SPICE1: variants seen among roughly 807,000 people sequenced by gnomAD.
The protein encoded by SPICE1 is spindle and centriole-associated protein 1.
SPICE1 carries 75 observed loss-of-function variants against 102.7 expected under a neutral mutation model. The observed-to-expected ratio is 0.73, with a 90% CI of 0.61 to 0.88. The LOEUF (loss-of-function observed/expected upper bound fraction) is 0.88, where lower values mean the gene tolerates loss of function less well. Among genes scored for constraint, SPICE1 ranks in the 40% least tolerant of loss-of-function variants. The pLI, the probability that SPICE1 is intolerant of heterozygous loss-of-function variation, is 0.00. For synonymous variants in SPICE1, 308 were observed against 350.3 expected (o/e 0.88, Z 1.35); for missense variants, 979 against 1,020.1 (o/e 0.96, Z 0.55).
chr3:113,484,736 G>A (rs1052949702), intron 7 of SPICE1, among the ~76,000 whole-genome samples: 22 of 151,500 alleles, frequency 1.5e-4, no homozygotes, highest in African/African-American at 4.6e-4. Context: ...CACTGTGGTC[G>A]GAGAGACTGT....
intron 11 of SPICE1, among the ~76,000 whole-genome samples, chr3:113,461,719 G>A (rs116012433): frequency 1.1e-3 from 169 of 152,214 alleles, no homozygotes; most frequent in Non-Finnish European, 1.9e-3. Context: ...ACCCAAAGAT[G>A]GCAGCTAGTA....
intron 10 of SPICE1, among the ~76,000 whole-genome samples, chr3:113,467,122 T>A (rs1246475652): frequency 2.0e-5 from 3 of 152,180 alleles, no homozygotes; most frequent in East Asian, 1.9e-4. Context: ...AGGTGGTAAA[T>A]CTATCTTATT....
Position 113,457,219 on chromosome 3 carries a change from A to G in SPICE1, c.1574T>C (p.Phe525Ser), listed in dbSNP as rs1935798548. The change falls in exon 13 of 18, where the codon TTT becomes TCT. Residue 525 changes from phenylalanine to serine, a missense_variant. Coordinates refer to ENST00000295872, the MANE Select transcript of SPICE1 (RefSeq NM_144718.4). Reference protein sequence around the residue: ...PPDNMNLAKNFPAHIFEPAVL... With the variant: ...PPDNMNLAKNSPAHIFEPAVL... ...AGCTGGCTCAAAAATATGTGCTGGA[A>G]AATTCTTGGCCAGATTCATGTTATC... is the stretch of plus-strand genomic sequence containing the variant. The G allele has an allele frequency of 1.2e-6, 2 of 1,614,028 alleles. No individual in the cohort carries two copies. The highest frequency in any genetic ancestry group is 1.7e-6 in the Non-Finnish European group (2 of 1,180,040).
At chr3:113,507,048 A>G (rs1170544553) in intron 1 of SPICE1, among the ~76,000 whole-genome samples, 1 of 152,210 alleles carries the variant, frequency 6.6e-6, no homozygotes, top group African/African-American at 2.4e-5. Flanking sequence ...CAAAATCACT[A>G]CCAGGTACAT....
intron 7 of SPICE1, among the ~76,000 whole-genome samples, chr3:113,480,576 G>C (rs1936467349): frequency 6.6e-6 from 1 of 152,038 alleles, no homozygotes; most frequent in African/African-American, 2.4e-5. Context: ...ATAACATAAT[G>C]TACCATATTA....
In SPICE1 at chr3:113,448,484, CA is replaced by C. The variant is rs112864219; in HGVS notation, c.2324-345del. On this transcript the variant is annotated intron_variant, in intron 15 of 17. Transcript: ENST00000295872. ...CAAAAGAGCTTACCTAAAGTTTTCCCAAAAAAAAAGGAAAAAGAAAATTTCT... is the reference window on the plus strand; with the variant it reads ...CAAAAGAGCTTACCTAAAGTTTTCCCAAAAAAAAGGAAAAAGAAAATTTCT... Among the ~76,000 whole-genome samples, 5 of 147,028 alleles carry C rather than the reference CA, an allele frequency of 3.4e-5. No individual in the cohort carries two copies. In the South Asian group the frequency reaches 8.6e-4, roughly 25 times the overall value.
At chr3:113,493,364 T>G (rs1936807149) in intron 5 of SPICE1, 52 bp from the exon 6 acceptor site, 1 of 1,427,640 alleles carries the variant, frequency 7.0e-7, no homozygotes, top group Admixed American at 1.7e-5. Flanking sequence ...TTAACTTGAC[T>G]TCACAAGCTC....
chr3:113,468,107 A>C, intron 10 of SPICE1, 32 bp downstream of exon 10: 1 of 1,501,280 alleles, frequency 6.7e-7, no homozygotes, highest in Non-Finnish European at 9.0e-7. Flanking sequence ...TTTCTGCCTG[A>C]AAAGAAGACT....
chr3:113,464,247 T>C (rs868527417), intron 11 of SPICE1, among the ~76,000 whole-genome samples: 1 of 150,302 alleles, frequency 6.7e-6, no homozygotes, highest in African/African-American at 2.5e-5. Context: ...GTGGTTTCAG[T>C]TTTTTGTTGT....
At chr3:113,503,463 CCAAG>C (rs1362532922) in intron 2 of SPICE1, among the ~76,000 whole-genome samples, 1 of 151,974 alleles carries the variant, frequency 6.6e-6, no homozygotes, top group Admixed American at 6.6e-5. Flanking sequence ...ACTGTATTCA[CCAAG>C]CAGTCATACA....
At chr3:113,496,059 C>CTTTT (rs10557473) in intron 4 of SPICE1, among the ~76,000 whole-genome samples, 4 of 82,898 alleles carry the variant, frequency 4.8e-5, no homozygotes, top group South Asian at 4.9e-4. Context: ...TTTTTTACAA[C>CTTTT]TTTTTTTTTT....
intron 4 of SPICE1, 67 bp downstream of exon 4, chr3:113,499,372 G>A: frequency 6.6e-7 from 1 of 1,506,354 alleles, no homozygotes; most frequent in Non-Finnish European, 8.9e-7. Context: ...GAATCAAATT[G>A]AAGAAAAACA....
chr3:113,491,342 C>T (rs1323444790), intron 6 of SPICE1, among the ~76,000 whole-genome samples: 3 of 152,020 alleles, frequency 2.0e-5, no homozygotes, highest in Non-Finnish European at 2.9e-5. Context: ...TATAGCAGGC[C>T]GGGCGTGGTG....
intron 17 of SPICE1, among the ~76,000 whole-genome samples, chr3:113,446,299 T>G (rs1199119534): frequency 6.6e-6 from 1 of 151,774 alleles, no homozygotes; most frequent in Non-Finnish European, 1.5e-5. Flanking sequence ...GGCACACCTG[T>G]GTGTCCTGCC....
chr3:113,472,958 G>C (rs890348089), intron 7 of SPICE1, among the ~76,000 whole-genome samples: 4 of 152,214 alleles, frequency 2.6e-5, no homozygotes, highest in African/African-American at 4.8e-5. Flanking sequence ...CGAGTTGAGA[G>C]AAGAAGGCTT....
At chr3:113,460,349 A>G in intron 12 of SPICE1, 1 of 903,102 alleles carries the variant, frequency 1.1e-6, no homozygotes, top group Non-Finnish European at 1.3e-6. Flanking sequence ...TCCTCTAAGG[A>G]TAACACCAAT....
At chr3:113,487,430 G>T (rs1936673977) in intron 7 of SPICE1, among the ~76,000 whole-genome samples, 1 of 151,940 alleles carries the variant, frequency 6.6e-6, no homozygotes. Flanking sequence ...ATGACTATAG[G>T]TATATATATG....
chr3:113,503,582 CTG>C lies in SPICE1; in HGVS notation c.100-357_100-356del. On this transcript the variant is annotated intron_variant, in intron 2 of 17. Coordinates refer to ENST00000295872, the MANE Select transcript of SPICE1 (RefSeq NM_144718.4). ...TTTAACTAAAGTTTTAGTTTTCACA[CTG>C]TAGTCTATGGAATCCCAGGATTCCA... is the stretch of plus-strand genomic sequence containing the variant. Among the ~76,000 whole-genome samples the C allele has an allele frequency of 2.0e-5, 3 of 152,228 alleles. No individual in the cohort carries two copies. The South Asian group carries it at 6.2e-4, about 32-fold the overall frequency.
At chr3:113,454,097 G>C (rs940486970) in intron 13 of SPICE1, 147 bp from the exon 14 acceptor site, 3 of 710,096 alleles carry the variant, frequency 4.2e-6, no homozygotes, top group Non-Finnish European at 6.8e-6. Flanking sequence ...TTTCAGCAGA[G>C]AACACACCAG....
Sources: gnomAD v4.1 joint callset for allele counts (sites outside exome capture counted in the v4.1 genomes callset) on GRCh38, gnomAD v4.1.1 for gene constraint, MANE v1.5 for transcripts, NCBI Gene and HGNC (gene_info 2026-07-23, HGNC 2026-07-21) for gene names.